The following CENPC variants were observed in gnomAD, a reference collection of about 807,000 sequenced individuals.
CENPC encodes CENP-C 1.
Under a neutral mutation model 112.1 loss-of-function variants are expected in CENPC, and 63 were observed. That is an observed-to-expected ratio of 0.56 (90% CI 0.46 to 0.69). CENPC has a LOEUF of 0.69. CENPC is among the 30% of genes least tolerant of loss of function. The probability of loss-of-function intolerance (pLI) is 0.00; values close to 1 mark genes in which losing one functional copy is unlikely to be tolerated. For missense variants in CENPC, 1,000 were observed against 1,103.8 expected (o/e 0.91, Z 1.33); for synonymous variants, 333 against 367.6 (o/e 0.91, Z 1.08).
intron 1 of CENPC, 91 bp downstream of exon 1, chr4:67,545,247 T>G: frequency 7.8e-7 from 1 of 1,286,966 alleles, no homozygotes; most frequent in South Asian, 1.7e-5. Flanking sequence ...GATCACAGCC[T>G]CAGCCTAGCA....
At position 67,469,204 on chromosome 4, in the gene CENPC, A is replaced by C. The variant is rs1724587299; in HGVS notation, c.*3401T>G. 1 of 152,222 alleles carries C rather than the reference A, an allele frequency of 6.6e-6. No homozygotes were observed. The highest frequency in any genetic ancestry group is 1.5e-5 in the Non-Finnish European group (1 of 68,040). 9.4% of individuals were successfully genotyped at this position (152,222 alleles called of 1,614,324 possible). A position where few individuals can be genotyped will look rare whatever the true frequency, so the allele number is the denominator to read the frequency against. On this transcript the variant is annotated 3_prime_UTR_variant, in exon 19 of 19. Transcript: ENST00000273853. ...ATCCTATCCAACAATAAAAATTAGA[A>C]AAATCATTAAAAAAACTCTCATGGG...
At chr4:67,524,306 A>G (rs913019161) in intron 5 of CENPC, among the ~76,000 whole-genome samples, 2 of 152,128 alleles carry the variant, frequency 1.3e-5, no homozygotes, top group Admixed American at 6.6e-5. Context: ...TATTCAACAC[A>G]GTATTGGAAG....
intron 17 of CENPC, among the ~76,000 whole-genome samples, chr4:67,488,491 G>A (rs1725151402): frequency 6.6e-6 from 1 of 151,942 alleles, no homozygotes; most frequent in South Asian, 2.1e-4. Flanking sequence ...ATGAGTCACA[G>A]GTTACAGGGT....
Position 67,512,390 on chromosome 4 carries a change from A to G in CENPC, c.1612+12T>C. 1 of 1,555,872 alleles carries G rather than the reference A, an allele frequency of 6.4e-7. No individual in the cohort carries two copies. The highest frequency in any genetic ancestry group is 8.7e-7 in the Non-Finnish European group (1 of 1,150,202). On this transcript the variant is annotated intron_variant, in intron 9 of 18. Transcript: ENST00000273853. ...GTCTATGAACAAACACAATTTAAATAAAAATACTTACTCTCCTCTGATTTT... is the reference window on the plus strand; with the variant it reads ...GTCTATGAACAAACACAATTTAAATGAAAATACTTACTCTCCTCTGATTTT...
chr4:67,486,670 T>C lies in CENPC; in HGVS notation c.2670+3297A>G, dbSNP rs6814191. Among the ~76,000 whole-genome samples the C allele has an allele frequency of 7.4e-3, 1,122 of 152,312 alleles. 11 individuals are homozygous for C. Among genetic ancestry groups the C allele is most frequent in the African/African-American group, 0.025 (1,047 of 41,566 alleles). On this transcript the variant is annotated intron_variant, in intron 17 of 18. Transcript: ENST00000273853. ...AGTAGAGGCCAGGTAAGCTTCTACT[T>C]ACAGGGCCTTACCTACAGGACGGCC... is the stretch of plus-strand genomic sequence containing the variant.
chr4:67,532,277 G>T (rs954178140), intron 4 of CENPC, among the ~76,000 whole-genome samples: 1 of 152,124 alleles, frequency 6.6e-6, no homozygotes, highest in Non-Finnish European at 1.5e-5. Flanking sequence ...GGAGAAATAG[G>T]AACACTTTTA....
intron 17 of CENPC, among the ~76,000 whole-genome samples, chr4:67,487,464 AC>A (rs1246910621): frequency 6.6e-6 from 1 of 151,674 alleles, no homozygotes; most frequent in East Asian, 1.9e-4. Flanking sequence ...CTGAAACATG[AC>A]CCAATCTTAA....
intron 9 of CENPC, 112 bp from the exon 10 acceptor site, chr4:67,509,217 C>CAT (rs1309251878): frequency 1.1e-5 from 1 of 93,906 alleles, no homozygotes; most frequent in Admixed American, 2.6e-4. Context: ...TACACACACA[C>CAT]ACACACACAC....
At chr4:67,473,079 TA>T (rs1419359885) in intron 18 of CENPC, among the ~76,000 whole-genome samples, 5 of 150,654 alleles carry the variant, frequency 3.3e-5, no homozygotes, top group East Asian at 1.9e-4. Flanking sequence ...TTTATTTATT[TA>T]CTTATTTTTT....
At chr4:67,533,083 G>T (rs570764903) in intron 4 of CENPC, among the ~76,000 whole-genome samples, 1 of 152,226 alleles carries the variant, frequency 6.6e-6, no homozygotes, top group Non-Finnish European at 1.5e-5. Flanking sequence ...GACTTACATG[G>T]TTTGCCTGTG....
chr4:67,506,300 A>G (rs577278560), intron 11 of CENPC, among the ~76,000 whole-genome samples: 9 of 152,298 alleles, frequency 5.9e-5, no homozygotes, highest in African/African-American at 1.4e-4. Context: ...TGTGGACTCA[A>G]TAAGTTGTTT....
intron 17 of CENPC, among the ~76,000 whole-genome samples, chr4:67,478,069 A>G (rs1456161333): frequency 1.3e-5 from 2 of 152,256 alleles, no homozygotes; most frequent in African/African-American, 2.4e-5. Context: ...ACGACCACAC[A>G]TAAGAATAAT....
intron 5 of CENPC, among the ~76,000 whole-genome samples, chr4:67,525,425 G>A (rs1258595506): frequency 6.6e-6 from 1 of 152,094 alleles, no homozygotes; most frequent in Non-Finnish European, 1.5e-5. Flanking sequence ...TCTGACAAAG[G>A]TCTAATATCC....
At chr4:67,529,223 T>C (rs1174054264) in intron 5 of CENPC, among the ~76,000 whole-genome samples, 1 of 152,230 alleles carries the variant, frequency 6.6e-6, no homozygotes, top group East Asian at 1.9e-4. Flanking sequence ...TATATTCTGA[T>C]TATAAATCTC....
rs1560446449 is a variant in CENPC at position 67,541,036 on chromosome 4, T to C, written c.80A>G (p.Asn27Ser). 1 of 1,608,624 alleles carries C rather than the reference T, an allele frequency of 6.2e-7. No individual in the cohort carries two copies. Among genetic ancestry groups the C allele is most frequent in the Non-Finnish European group, 8.5e-7 (1 of 1,177,312 alleles). Residue 27 changes from asparagine (N) to serine (S), a missense_variant, in exon 3 of 19, where the codon AAC becomes AGC. By Grantham distance (46) the Asn-to-Ser change is conservative (BLOSUM62 1). Coordinates refer to ENST00000273853, the MANE Select transcript of CENPC (RefSeq NM_001812.4). ...CAGAACATTCTGGCCTTGCTCTGTG[T>C]TAATGTCACGTGCCCTAATAAAGGA... ...FCRPSRARDINTEQGQNVLEI... is the reference protein window; with the variant it reads ...FCRPSRARDISTEQGQNVLEI...
chr4:67,483,550 A>T (rs558830115), intron 17 of CENPC, among the ~76,000 whole-genome samples: 18 of 148,950 alleles, frequency 1.2e-4, no homozygotes, highest in Admixed American at 8.7e-4. Flanking sequence ...CACTTATATA[A>T]AAAAAAAAAA....
chr4:67,541,199 G>A (rs575289425), intron 2 of CENPC, 149 bp from the exon 3 acceptor site: 11 of 559,908 alleles, frequency 2.0e-5, no homozygotes, highest in African/African-American at 1.7e-4. Context: ...AGTACTTGAG[G>A]GTCTATACAT....
intron 17 of CENPC, among the ~76,000 whole-genome samples, chr4:67,489,277 T>TG (rs1278494060): frequency 6.8e-6 from 1 of 146,780 alleles, no homozygotes; most frequent in Non-Finnish European, 1.5e-5. Flanking sequence ...TAAATGGGGG[T>TG]GGGGGTGGAA....
chr4:67,521,506 T>C (rs1726229005), intron 5 of CENPC, among the ~76,000 whole-genome samples: 1 of 152,168 alleles, frequency 6.6e-6, no homozygotes, highest in Admixed American at 6.5e-5. Context: ...CCCATTAGGA[T>C]GACTATTATT....
Sources: allele counts gnomAD v4.1 joint callset (sites outside exome capture counted in the v4.1 genomes callset), GRCh38; gene constraint gnomAD v4.1.1; transcripts MANE v1.5; gene names NCBI Gene and HGNC (gene_info 2026-07-23, HGNC 2026-07-21).